Variants in SMG6 observed in about 807,000 individuals in gnomAD.
SMG6 encodes the protein telomerase-binding protein EST1A.
Under a neutral mutation model 142.2 loss-of-function variants are expected in SMG6, and 66 were observed. The ratio of observed to expected loss-of-function variants is 0.46; its 90% confidence interval spans 0.38 to 0.57. SMG6 has a LOEUF of 0.57. Among genes scored for constraint, SMG6 ranks in the 20% least tolerant of loss-of-function variants. The pLI is 0.00. For missense variants in SMG6, 1,793 were observed against 1,832.0 expected (o/e 0.98, Z 0.39); for synonymous variants, 779 against 702.4 (o/e 1.11, Z -1.72).
At chr17:2,124,493 G>A (rs1344466644) in intron 13 of SMG6, among the ~76,000 whole-genome samples, 1 of 152,206 alleles carries the variant, frequency 6.6e-6, no homozygotes, top group African/African-American at 2.4e-5. Flanking sequence ...TCCGCAGAGA[G>A]TCGTAACAGA....
chr17:2,078,500 T>C (rs1195079674), intron 15 of SMG6, among the ~76,000 whole-genome samples: 1 of 151,200 alleles, frequency 6.6e-6, no homozygotes, highest in African/African-American at 2.4e-5. Flanking sequence ...GCCTCCTGAG[T>C]AGCTGGGATT....
chr17:2,240,078 C>T (rs1261629790), intron 9 of SMG6: 1 of 152,150 alleles, frequency 6.6e-6, no homozygotes, highest in African/African-American at 2.4e-5. Flanking sequence ...CATATGGCAC[C>T]CCGACTGAGT....
chr17:2,140,959 G>A (rs1275602684), intron 13 of SMG6, among the ~76,000 whole-genome samples: 2 of 152,172 alleles, frequency 1.3e-5, no homozygotes, highest in East Asian at 3.9e-4. Flanking sequence ...GCTGAGGTAG[G>A]GCCTAAAACA....
intron 13 of SMG6, among the ~76,000 whole-genome samples, chr17:2,122,166 G>A (rs1421178789): frequency 3.3e-5 from 5 of 152,096 alleles, no homozygotes; most frequent in Non-Finnish European, 7.4e-5. Context: ...TGGATAGATG[G>A]GGGAAGAGAG....
chr17:2,101,324 ACTC>A (rs1449538596), intron 13 of SMG6: 4 of 151,114 alleles, frequency 2.6e-5, no homozygotes, highest in Non-Finnish European at 5.9e-5. Context: ...CTGGTCTTGA[ACTC>A]CTGGTCTCAA....
At chr17:2,227,459 G>C (rs960956853) in intron 10 of SMG6, among the ~76,000 whole-genome samples, 1 of 152,182 alleles carries the variant, frequency 6.6e-6, no homozygotes, top group Non-Finnish European at 1.5e-5. Flanking sequence ...AAAGAAGTCA[G>C]ACATTAGTCA....
chr17:2,248,284 C>G (rs916239296), intron 8 of SMG6, among the ~76,000 whole-genome samples: 1 of 151,952 alleles, frequency 6.6e-6, no homozygotes, highest in Admixed American at 6.6e-5. Flanking sequence ...ACACCTATCT[C>G]GGGGAAAAGA....
chr17:2,280,610 C>A, intron 8 of SMG6: 1 of 984,810 alleles, frequency 1.0e-6, no homozygotes, highest in Non-Finnish European at 1.2e-6. Context: ...ATGAAAAGCT[C>A]AAACTCAAAG....
In SMG6 at chr17:2,279,056, CA is replaced by C. The variant is rs1356148156; in HGVS notation, c.2661+3590del. 2.0e-5 allele frequency among the ~76,000 whole-genome samples: 3 copies of C among 152,176 alleles called. No homozygotes were observed. In the East Asian group the frequency reaches 5.8e-4, roughly 29 times the overall value. ...CAATCTAGCAAGGGAAAGATCTGCA[CA>C]AAACTACACTTAAAAGCACTTAAAC... On this transcript the variant is annotated intron_variant, in intron 8 of 18. Coordinates refer to ENST00000263073, the MANE Select transcript of SMG6 (RefSeq NM_017575.5).
At chr17:2,078,381 C>CTT (rs879468646) in intron 15 of SMG6, among the ~76,000 whole-genome samples, 31 of 143,566 alleles carry the variant, frequency 2.2e-4, no homozygotes, top group African/African-American at 7.4e-4. Context: ...TCACTGAATA[C>CTT]TTTTTTTTTT....
rs34276256 is a variant in SMG6 at position 2,207,117 on chromosome 17, C to CAAAAAAAAAAAA, written c.2870-18614_2870-18603dup. Among the ~76,000 whole-genome samples the CAAAAAAAAAAAA allele has an allele frequency of 5.1e-4, 41 of 79,704 alleles. 2 individuals carry two copies. Among genetic ancestry groups the CAAAAAAAAAAAA allele is most frequent in the East Asian group, 1.2e-3 (2 of 1,604 alleles). The allele number at this position is 79,704 out of a possible 152,430, so 52.3% of individuals were successfully genotyped here. ...TGAAATCTTGTCTCTACTAAAAATC[C>CAAAAAAAAAAAA]AAAAAAAAAAAAAAAAAAAAAAATA... is the stretch of plus-strand genomic sequence containing the variant. On this transcript the variant is annotated intron_variant, in intron 10 of 18. Transcript: ENST00000263073.
chr17:2,094,210 G>A (rs527861827), intron 13 of SMG6, among the ~76,000 whole-genome samples: 27 of 152,280 alleles, frequency 1.8e-4, no homozygotes, highest in Non-Finnish European at 4.4e-5. Flanking sequence ...TAGTGGGATC[G>A]TTGAGGGTTT....
chr17:2,164,563 G>A (rs1265137161), intron 13 of SMG6, among the ~76,000 whole-genome samples: 2 of 151,124 alleles, frequency 1.3e-5, no homozygotes, highest in African/African-American at 2.4e-5. Flanking sequence ...TGCCGAGATC[G>A]CGCCACTGCA....
At chr17:2,181,570 G>A (rs1033482322) in intron 12 of SMG6, among the ~76,000 whole-genome samples, 10 of 152,356 alleles carry the variant, frequency 6.6e-5, no homozygotes, top group African/African-American at 2.2e-4. Context: ...CTACGGTAAC[G>A]TATTTGCTGG....
chr17:2,164,966 T>C (rs572899813), intron 13 of SMG6, among the ~76,000 whole-genome samples: 1 of 152,026 alleles, frequency 6.6e-6, no homozygotes, highest in African/African-American at 2.4e-5. Flanking sequence ...CTTGATGACA[T>C]CTGCAAAGGT....
chr17:2,299,086 C>T lies in SMG6; in HGVS notation c.1667G>A (p.Cys556Tyr). ...GYPTPSGQYV[C>Y]SPLPTSTMSP... ...CATGGTGCTGGTAGGTAGAGGGCTA[C>T]ACACATACTGTCCTGACGGAGTCGG... The change falls in exon 2 of 19, where the codon TGT (cysteine) becomes TAT (tyrosine). Residue 556 changes from cysteine (C) to tyrosine (Y), a missense_variant. Transcript: ENST00000263073. The surrounding 1 kb of genome is among the most constrained non-coding windows in gnomAD (Gnocchi z 4.3). The T allele has an allele frequency of 8.7e-6, 14 of 1,614,206 alleles. No individual in the cohort carries two copies. The highest frequency in any genetic ancestry group is 1.2e-5 in the Non-Finnish European group (14 of 1,180,042).
At chr17:2,242,571 T>C (rs1166837222) in intron 9 of SMG6, among the ~76,000 whole-genome samples, 1 of 149,692 alleles carries the variant, frequency 6.7e-6, no homozygotes, top group East Asian at 2.0e-4. Context: ...GGTGTGAGCA[T>C]GCAGTCCCAG....
chr17:2,090,431 AG>A (rs2068686889), intron 13 of SMG6, among the ~76,000 whole-genome samples: 1 of 152,118 alleles, frequency 6.6e-6, no homozygotes, highest in Non-Finnish European at 1.5e-5. Context: ...ACCTCAGGGC[AG>A]CCCCGGGGAA....
Position 2,246,934 on chromosome 17 carries a change from C to T in SMG6, c.2662-2215G>A, listed in dbSNP as rs560761146. The stretch of plus-strand genomic sequence containing the variant: ...GCACTCCAGCCTGGACAACAAAGAG[C>T]GAAACTCTGTCTCAAAAAATAAAAC... On this transcript the variant is annotated intron_variant, in intron 8 of 18. Transcript: ENST00000263073. 1.8e-4 allele frequency among the ~76,000 whole-genome samples: 27 copies of T among 152,128 alleles called. 1 individual carries two copies. In the South Asian group the frequency reaches 4.2e-3, roughly 23 times the overall value.
Sources: gnomAD v4.1 joint callset for allele counts (sites outside exome capture counted in the v4.1 genomes callset) on GRCh38, gnomAD v4.1.1 for gene constraint, Gnocchi (gnomAD v3.1) non-coding constraint, MANE v1.5 for transcripts, NCBI Gene and HGNC (gene_info 2026-07-23, HGNC 2026-07-21) for gene names.